ADAM18: variants seen among roughly 807,000 people sequenced by gnomAD.
The protein encoded by ADAM18 is ADAM metallopeptidase domain 18, also known as disintegrin and metalloproteinase domain-containing protein 18.
A neutral mutation model predicts 94.4 loss-of-function variants in ADAM18; 117 were observed. That is an observed-to-expected ratio of 1.24 (90% confidence interval 1.07 to 1.45). The LOEUF (loss-of-function observed/expected upper bound fraction) is 1.45, where lower values mean the gene tolerates loss of function less well. Among genes scored for constraint, ADAM18 ranks in the 40% most tolerant of loss-of-function variants. The pLI is 0.00. For synonymous variants in ADAM18, 327 were observed against 291.6 expected (o/e 1.12, Z -1.24); for missense variants, 936 against 880.0 (o/e 1.06, Z -0.81).
chr8:39,675,046 G>T (rs1488318521), intron 14 of ADAM18, among the ~76,000 whole-genome samples: 1 of 152,176 alleles, frequency 6.6e-6, no homozygotes, highest in Non-Finnish European at 1.5e-5. Context: ...CTCTCTGGCT[G>T]CCCTTAACAT....
intron 19 of ADAM18, 125 bp from the exon 20 acceptor site, chr8:39,729,773 T>C (rs928920929): frequency 8.4e-6 from 6 of 717,314 alleles, no homozygotes; most frequent in Non-Finnish European, 1.4e-5. Context: ...AACTTATCTA[T>C]AATAATCTTT....
In ADAM18 at chr8:39,663,820, A is replaced by T. The variant is rs1400445531; in HGVS notation, c.1256A>T (p.Asp419Val). The T allele has an allele frequency of 1.9e-6, 3 of 1,612,700 alleles. No homozygotes were observed. The highest frequency in any genetic ancestry group is 1.7e-5 in the Admixed American group (1 of 59,702). ...KNECQFKKCC[D>V]YNTCKLKGSV... The stretch of plus-strand genomic sequence containing the variant: ...GAATGTCAATTTAAGAAGTGCTGTG[A>T]TTATAACACATGTAAACTGAAGGGC... The change falls in exon 13 of 20, where the codon GAT becomes GTT. Residue 419 changes from aspartate (D) to valine (V), a missense_variant. Transcript: ENST00000265707.
chr8:39,637,178 A>C, intron 7 of ADAM18, 86 bp from the exon 8 acceptor site: 4 of 1,040,162 alleles, frequency 3.8e-6, no homozygotes, highest in Non-Finnish European at 5.5e-6. Context: ...TAGATTACTT[A>C]TAATATCTAA....
At chr8:39,648,673 T>C (rs562797966) in intron 12 of ADAM18, 146 bp downstream of exon 12, 1 of 804,934 alleles carries the variant, frequency 1.2e-6, no homozygotes, top group East Asian at 2.9e-5. Context: ...AGTTAAGATG[T>C]ATAAATCACG....
At chr8:39,690,775 A>G (rs1821750001) in intron 16 of ADAM18, among the ~76,000 whole-genome samples, 1 of 152,210 alleles carries the variant, frequency 6.6e-6, no homozygotes, top group African/African-American at 2.4e-5. Flanking sequence ...AAATTAGTTC[A>G]GCCACTGTGA....
intron 12 of ADAM18, among the ~76,000 whole-genome samples, chr8:39,658,287 T>C (rs901212301): frequency 1.3e-5 from 2 of 152,158 alleles, no homozygotes; most frequent in Non-Finnish European, 2.9e-5. Flanking sequence ...CTATTTCACA[T>C]GGCAAAAGGA....
chr8:39,609,128 A>G lies in ADAM18; in HGVS notation c.267+8A>G. 1 of 1,525,814 alleles carries G rather than the reference A, an allele frequency of 6.6e-7. No homozygotes were observed. Among genetic ancestry groups the G allele is most frequent in the Non-Finnish European group, 9.0e-7 (1 of 1,116,948 alleles). The allele number at this position is 1,525,814 out of a possible 1,614,324, so 94.5% of individuals were successfully genotyped here. On this transcript the variant is annotated splice_region_variant and intron_variant, in intron 4 of 19. Coordinates refer to ENST00000265707, the MANE Select transcript of ADAM18 (RefSeq NM_014237.3). ...GTGTCTCCATATTTTATGGTAAAGT[A>G]AGATACCTTATTTTTTTTGTTAAAG...
At chr8:39,667,695 A>G (rs2129580217) in intron 13 of ADAM18, among the ~76,000 whole-genome samples, 1 of 152,306 alleles carries the variant, frequency 6.6e-6, no homozygotes, top group South Asian at 2.1e-4. Context: ...TATAGTTCCA[A>G]GGAACAGGTA....
At chr8:39,611,380 T>C in intron 6 of ADAM18, 1 of 957,516 alleles carries the variant, frequency 1.0e-6, no homozygotes, top group South Asian at 4.8e-5. Context: ...CTTGGGTCTG[T>C]AAATGGATGT....
At chr8:39,694,996 CT>C (rs1821883488) in intron 17 of ADAM18, among the ~76,000 whole-genome samples, 1 of 151,392 alleles carries the variant, frequency 6.6e-6, no homozygotes, top group South Asian at 2.1e-4. Flanking sequence ...AACCCATGAA[CT>C]TTTTACTGTT....
At chr8:39,657,017 C>T (rs947801170) in intron 12 of ADAM18, among the ~76,000 whole-genome samples, 1 of 152,118 alleles carries the variant, frequency 6.6e-6, no homozygotes, top group Non-Finnish European at 1.5e-5. Context: ...GAATTTCAGT[C>T]TCAGGTATAT....
At chr8:39,658,095 T>G (rs1820736404) in intron 12 of ADAM18, among the ~76,000 whole-genome samples, 1 of 152,236 alleles carries the variant, frequency 6.6e-6, no homozygotes, top group Non-Finnish European at 1.5e-5. Context: ...CTCCTGCTGA[T>G]GCAAATTAAT....
chr8:39,690,177 G>A (rs935668104), intron 16 of ADAM18, among the ~76,000 whole-genome samples: 4 of 152,208 alleles, frequency 2.6e-5, no homozygotes, highest in African/African-American at 9.7e-5. Flanking sequence ...TCAGACTGCT[G>A]GCAATACCAC....
intron 14 of ADAM18, among the ~76,000 whole-genome samples, chr8:39,668,820 T>C (rs186312933): frequency 1.6e-4 from 24 of 152,250 alleles, no homozygotes; most frequent in Admixed American, 4.6e-4. Flanking sequence ...TGCATATATA[T>C]ATAATTATTT....
At chr8:39,593,291 A>G (rs572876850) in intron 2 of ADAM18, among the ~76,000 whole-genome samples, 22 of 152,094 alleles carry the variant, frequency 1.4e-4, no homozygotes, top group Admixed American at 5.9e-4. Flanking sequence ...TTTATTCTTG[A>G]GTAATGTTGC....
chr8:39,661,368 G>T (rs1320167662), intron 12 of ADAM18, among the ~76,000 whole-genome samples: 1 of 142,220 alleles, frequency 7.0e-6, no homozygotes. Flanking sequence ...TAGAGTTGGG[G>T]TTTCACCGTG....
At chr8:39,655,995 A>T (rs989965206) in intron 12 of ADAM18, among the ~76,000 whole-genome samples, 2 of 152,096 alleles carry the variant, frequency 1.3e-5, no homozygotes, top group Non-Finnish European at 2.9e-5. Flanking sequence ...CAATGCAAGG[A>T]TATGTCATGT....
chr8:39,695,491 T>A (rs1286735577), intron 17 of ADAM18, among the ~76,000 whole-genome samples: 1 of 151,548 alleles, frequency 6.6e-6, no homozygotes, highest in Non-Finnish European at 1.5e-5. Flanking sequence ...TGACATATGA[T>A]GTTGAGCATC....
chr8:39,588,906 G>A (rs1410064081), intron 2 of ADAM18, among the ~76,000 whole-genome samples: 2 of 152,122 alleles, frequency 1.3e-5, no homozygotes, highest in African/African-American at 2.4e-5. Context: ...GTTTAGATAT[G>A]GTCAGGAAGT....
Sources: allele counts gnomAD v4.1 joint callset (sites outside exome capture counted in the v4.1 genomes callset), GRCh38; gene constraint gnomAD v4.1.1; transcripts MANE v1.5; gene names NCBI Gene and HGNC (gene_info 2026-07-23, HGNC 2026-07-21).